The following PTPRT variants were observed in gnomAD, a reference collection of about 807,000 sequenced individuals.
PTPRT encodes receptor-type tyrosine-protein phosphatase T.
Under a neutral mutation model 176.8 loss-of-function variants are expected in PTPRT, and 56 were observed. That is an observed-to-expected ratio of 0.32 (90% confidence interval 0.26 to 0.40). The LOEUF (loss-of-function observed/expected upper bound fraction) is 0.40. PTPRT is among the 10% of genes least tolerant of loss of function. The pLI is 1.00. For missense variants in PTPRT, 1,540 were observed against 1,908.2 expected, an observed-to-expected ratio of 0.81 and a Z score of 3.60; for synonymous variants, 783 against 739.0, an observed-to-expected ratio of 1.06 and a Z score of -0.96.
chr20:42,987,922 G>A (rs1006754547), intron 1 of PTPRT, among the ~76,000 whole-genome samples: 8 of 152,304 alleles, frequency 5.3e-5, no homozygotes, highest in East Asian at 1.9e-4. Context: ...TGGAGGTCAC[G>A]TGGGCCTCTT....
intron 2 of PTPRT, among the ~76,000 whole-genome samples, chr20:42,836,459 C>A: frequency 6.6e-6 from 1 of 152,278 alleles, no homozygotes; most frequent in Admixed American, 6.5e-5. Context: ...GAAGCTGATC[C>A]TCATGACTCC....
intron 6 of PTPRT, among the ~76,000 whole-genome samples, chr20:42,704,027 A>T (rs79451831): frequency 0.021 from 3,234 of 152,236 alleles, 122 homozygotes; most frequent in African/African-American, 0.073. Flanking sequence ...AAGGAACAAG[A>T]TGACTTCATA....
At chr20:42,746,790 G>A (rs1038628582) in intron 6 of PTPRT, among the ~76,000 whole-genome samples, 4 of 152,102 alleles carry the variant, frequency 2.6e-5, no homozygotes, top group African/African-American at 9.7e-5. Context: ...GGAAAGTCAA[G>A]ATCAGGCATG....
intron 7 of PTPRT, among the ~76,000 whole-genome samples, chr20:42,508,835 T>C (rs1381686176): frequency 6.7e-6 from 1 of 149,902 alleles, no homozygotes; most frequent in Non-Finnish European, 1.5e-5. Context: ...CTGGAAACTC[T>C]GGTCATTGTA....
At chr20:42,645,509 C>T (rs1010720753) in intron 7 of PTPRT, among the ~76,000 whole-genome samples, 7 of 152,034 alleles carry the variant, frequency 4.6e-5, no homozygotes, top group Non-Finnish European at 8.8e-5. Flanking sequence ...GGATCACCTC[C>T]GAAGGAAATG....
intron 1 of PTPRT, among the ~76,000 whole-genome samples, chr20:43,068,191 GA>G (rs2011136911): frequency 7.0e-6 from 1 of 142,814 alleles, no homozygotes; most frequent in South Asian, 2.4e-4. Context: ...GAGAGGAGGA[GA>G]GGGGGAGATT....
intron 13 of PTPRT, among the ~76,000 whole-genome samples, chr20:42,252,756 G>A (rs1201774514): frequency 6.6e-6 from 1 of 152,194 alleles, no homozygotes. Flanking sequence ...ATACTTGAGG[G>A]CCACAGAAGA....
chr20:43,007,845 G>A (rs1984930538), intron 1 of PTPRT, among the ~76,000 whole-genome samples: 1 of 152,308 alleles, frequency 6.6e-6, no homozygotes, highest in African/African-American at 2.4e-5. Flanking sequence ...GCACTTACCA[G>A]CTCTGTGACC....
chr20:42,859,149 G>T (rs1475570250), intron 2 of PTPRT, among the ~76,000 whole-genome samples: 1 of 152,114 alleles, frequency 6.6e-6, no homozygotes, highest in Non-Finnish European at 1.5e-5. Context: ...AATCAAGAAG[G>T]TACACCATTT....
intron 6 of PTPRT, among the ~76,000 whole-genome samples, chr20:42,693,145 T>A (rs2075817992): frequency 6.6e-6 from 1 of 152,228 alleles, no homozygotes; most frequent in Admixed American, 6.5e-5. Context: ...TATACCTATA[T>A]GTGCATTTGT....
intron 1 of PTPRT, among the ~76,000 whole-genome samples, chr20:43,115,561 T>C (rs998424820): frequency 1.3e-5 from 2 of 152,190 alleles, no homozygotes; most frequent in Non-Finnish European, 2.9e-5. Flanking sequence ...TTTTGGGTTG[T>C]CACAGCTGAG....
chr20:42,916,499 T>C (rs894708267), intron 1 of PTPRT, among the ~76,000 whole-genome samples: 9 of 152,198 alleles, frequency 5.9e-5, no homozygotes, highest in African/African-American at 2.2e-4. Context: ...ATTGCTGGGT[T>C]AAATGCTATT....
chr20:42,859,821 T>C (rs2078630498), intron 2 of PTPRT, among the ~76,000 whole-genome samples: 1 of 151,908 alleles, frequency 6.6e-6, no homozygotes, highest in Non-Finnish European at 1.5e-5. Context: ...CTCTATCTCC[T>C]GACCTCGTGA....
intron 1 of PTPRT, among the ~76,000 whole-genome samples, chr20:43,094,391 C>CTTTTTTT (rs71335878): frequency 5.4e-4 from 35 of 64,628 alleles, no homozygotes; most frequent in East Asian, 1.4e-3. Context: ...CGGCCTCTTT[C>CTTTTTTT]TTTTTTTTTT....
chr20:42,127,370 G>GTGTC (rs935852224), intron 19 of PTPRT, among the ~76,000 whole-genome samples: 31 of 152,086 alleles, frequency 2.0e-4, no homozygotes, highest in East Asian at 1.7e-3. Flanking sequence ...TCATCCTCCA[G>GTGTC]TGTCTGTCTG....
chr20:43,050,538 A>G (rs1445081707), intron 1 of PTPRT, among the ~76,000 whole-genome samples: 1 of 152,188 alleles, frequency 6.6e-6, no homozygotes, highest in Non-Finnish European at 1.5e-5. Flanking sequence ...CTTTCTGCTC[A>G]TACCACAAGG....
intron 11 of PTPRT, among the ~76,000 whole-genome samples, chr20:42,339,836 C>T (rs568332091): frequency 2.2e-4 from 33 of 152,296 alleles, no homozygotes; most frequent in African/African-American, 4.1e-4. Context: ...AAGTCTAGCT[C>T]GGTAGATCAG....
At chr20:42,034,023 G>C in the PTPRT span, among the ~76,000 whole-genome samples, 1 of 152,144 alleles carries the variant, frequency 6.6e-6, no homozygotes, top group Non-Finnish European at 1.5e-5. Flanking sequence ...CTAGTTTTCT[G>C]TTGCGCATAC....
intron 2 of PTPRT, among the ~76,000 whole-genome samples, chr20:42,835,906 G>A (rs1183056484): frequency 6.6e-6 from 1 of 152,112 alleles, no homozygotes; most frequent in Non-Finnish European, 1.5e-5. Context: ...AAGACAGTCT[G>A]CATTTAGAAA....
Sources: gnomAD v4.1 joint callset for allele counts (sites outside exome capture counted in the v4.1 genomes callset) on GRCh38, gnomAD v4.1.1 for gene constraint, MANE v1.5 for transcripts, NCBI Gene and HGNC (gene_info 2026-07-23, HGNC 2026-07-21) for gene names.